The following PAX8 variants were observed in gnomAD, a reference collection of about 807,000 sequenced individuals.
PAX8 encodes paired box 8, also known as paired box protein Pax-8.
PAX8 carries 15 observed loss-of-function variants against 52.4 expected under a neutral mutation model. The observed-to-expected ratio is 0.29, with a 90% CI of 0.19 to 0.44. The LOEUF is 0.44. Ranked by LOEUF, PAX8 falls within the 20% of genes least tolerant of loss-of-function variation. The pLI is 1.00. For missense variants in PAX8, 554 were observed against 602.5 expected, an observed-to-expected ratio of 0.92 and a Z score of 0.84; for synonymous variants, 284 against 249.7, an observed-to-expected ratio of 1.14 and a Z score of -1.29.
chr2:113,220,506 G>A (rs774805726), intron 10 of PAX8: 5 of 243,346 alleles, frequency 2.1e-5, no homozygotes, highest in East Asian at 9.5e-5. Context: ...TGGGATCTGC[G>A]GAAGCTCCCA....
In PAX8 at chr2:113,232,912, C is replaced by T. The variant is rs567822407; in HGVS notation, c.1087+2482G>A. On this transcript the variant is annotated intron_variant, in intron 9 of 11. Coordinates refer to ENST00000429538, the MANE Select transcript of PAX8 (RefSeq NM_003466.4). ...CCCATCATCATGGGCACCACCACAC[C>T]CTCACCCCTTGCCTGCCCCATGACC... is the stretch of plus-strand genomic sequence containing the variant. Among the ~76,000 whole-genome samples the T allele has an allele frequency of 1.5e-4, 23 of 152,178 alleles. 1 individual carries two copies. Among genetic ancestry groups the T allele is most frequent in the African/African-American group, 5.5e-4 (23 of 41,518 alleles).
chr2:113,226,311 TC>T (rs1325215329), intron 10 of PAX8: 3 of 985,406 alleles, frequency 3.0e-6, no homozygotes, highest in Non-Finnish European at 3.6e-6. Flanking sequence ...CAGAGCTCTT[TC>T]CAGAAACTCC....
intron 2 of PAX8, 81 bp from the exon 3 acceptor site, chr2:113,247,000 GGT>G (rs150122920): frequency 5.8e-3 from 6,978 of 1,204,162 alleles, no homozygotes; most frequent in Non-Finnish European, 6.8e-3. Context: ...TACAGGTGCT[GGT>G]GTGTGTGTGT....
At position 113,256,195 on chromosome 2, in the gene PAX8, G is replaced by A. The variant is rs74737370; in HGVS notation, c.26-9276C>T. On this transcript the variant is annotated intron_variant, in intron 2 of 11. Transcript: ENST00000429538. ...TTAATATGGGGAATTGTTGTCTGGTGTTGGAGGGCTGTAAGAGCACAAAGG... is the reference window on the plus strand; with the variant it reads ...TTAATATGGGGAATTGTTGTCTGGTATTGGAGGGCTGTAAGAGCACAAAGG... Among the ~76,000 whole-genome samples, 1,514 of 152,318 alleles carry A rather than the reference G, an allele frequency of 9.9e-3. 27 individuals carry two copies. Among genetic ancestry groups the A allele is most frequent in the African/African-American group, 0.034 (1,418 of 41,562 alleles).
At chr2:113,274,016 C>G (rs1465310713) in intron 2 of PAX8, 1 of 152,092 alleles carries the variant, frequency 6.6e-6, no homozygotes, top group Non-Finnish European at 1.5e-5. Flanking sequence ...TTCTCTCATT[C>G]CAGACGTGCG....
Position 113,244,633 on chromosome 2 carries a change from A to G in PAX8, c.192-9T>C. The G allele has an allele frequency of 6.2e-7, 1 of 1,613,450 alleles. No individual in the cohort carries two copies. Among genetic ancestry groups the G allele is most frequent in the Non-Finnish European group, 8.5e-7 (1 of 1,179,442 alleles). On this transcript the variant is annotated splice_polypyrimidine_tract_variant and intron_variant, in intron 3 of 11. Transcript: ENST00000429538. ...TGCCAGTCTCGTAGTACCTACTCCA[A>G]TAGAGAATCCCAAAGAATTACCCAA... is the stretch of plus-strand genomic sequence containing the variant.
intron 3 of PAX8, among the ~76,000 whole-genome samples, chr2:113,245,759 C>T (rs1691268494): frequency 6.6e-6 from 1 of 152,230 alleles, no homozygotes; most frequent in South Asian, 2.1e-4. Flanking sequence ...TTACTTCCAT[C>T]CAGGACTCAT....
intron 5 of PAX8, 140 bp downstream of exon 5, chr2:113,242,550 C>G: frequency 1.3e-6 from 1 of 752,684 alleles, no homozygotes; most frequent in South Asian, 1.4e-5. Context: ...ACAACTCAGT[C>G]TACACATGGG....
chr2:113,252,521 A>G (rs761838769), intron 2 of PAX8, among the ~76,000 whole-genome samples: 57 of 152,338 alleles, frequency 3.7e-4, no homozygotes, highest in Admixed American at 1.2e-3. Flanking sequence ...GCCAGCACAC[A>G]TGAGGTTATG....
At chr2:113,223,331 A>C (rs575662076) in intron 10 of PAX8, among the ~76,000 whole-genome samples, 1 of 152,302 alleles carries the variant, frequency 6.6e-6, no homozygotes, top group African/African-American at 2.4e-5. Flanking sequence ...CTGGCTTTGC[A>C]ACCAAAATAT....
intron 7 of PAX8, chr2:113,236,986 G>A: frequency 2.0e-6 from 1 of 508,876 alleles, no homozygotes; most frequent in Non-Finnish European, 3.5e-6. Flanking sequence ...ACCACACCCT[G>A]GTTGGATGGC....
intron 4 of PAX8, among the ~76,000 whole-genome samples, chr2:113,243,402 T>C (rs577678496): frequency 3.1e-4 from 47 of 152,262 alleles, no homozygotes; most frequent in African/African-American, 9.9e-4. Context: ...TCTTTCTTTT[T>C]TTTTTTGAGA....
At position 113,216,557 on chromosome 2, in the gene PAX8, G is replaced by C. The variant is rs1326461548; in HGVS notation, c.*1976C>G. The C allele has an allele frequency of 8.7e-6, 2 of 230,088 alleles. No individual in the cohort carries two copies. Among genetic ancestry groups the C allele is most frequent in the Non-Finnish European group, 1.7e-5 (2 of 116,104 alleles). The allele number at this position is 230,088 out of a possible 1,614,324, so 14.3% of individuals were successfully genotyped here. Reference sequence around the variant, plus strand: ...TGTGGACACCAGACAGCCCCCTGGAGTGCAGAGCCCGAGCTGTCACATTGC... The same window carrying C: ...TGTGGACACCAGACAGCCCCCTGGACTGCAGAGCCCGAGCTGTCACATTGC... On this transcript the variant is annotated 3_prime_UTR_variant, in exon 12 of 12. Transcript: ENST00000429538.
intron 6 of PAX8, 141 bp from the exon 7 acceptor site, chr2:113,241,867 A>G (rs773010627): frequency 2.0e-5 from 28 of 1,427,674 alleles, no homozygotes; most frequent in East Asian, 9.3e-5. Context: ...GCCTTGGCCA[A>G]CTGAGGGACA....
intron 9 of PAX8, among the ~76,000 whole-genome samples, chr2:113,232,100 T>C (rs1456605748): frequency 6.6e-6 from 1 of 152,190 alleles, no homozygotes; most frequent in African/African-American, 2.4e-5. Context: ...AACCATTCCC[T>C]TCCTAACCTT....
At chr2:113,245,214 T>G (rs1404044264) in intron 3 of PAX8, among the ~76,000 whole-genome samples, 3 of 152,012 alleles carry the variant, frequency 2.0e-5, no homozygotes, top group Non-Finnish European at 4.4e-5. Flanking sequence ...ACCCGGCTAA[T>G]TTTTGCATTT....
chr2:113,273,930 A>G lies in PAX8; in HGVS notation c.25+4440T>C, dbSNP rs571842585. The stretch of plus-strand genomic sequence containing the variant: ...GGGAGAAACATCAATAAAAGCAGGC[A>G]AGATTTTACAATAAATGGTTGAAAA... On this transcript the variant is annotated intron_variant, in intron 2 of 11. Transcript: ENST00000429538. 6 of 152,336 alleles carry G rather than the reference A, an allele frequency of 3.9e-5. No homozygotes were observed. The East Asian group carries it at 1.2e-3, about 29-fold the overall frequency. The allele number at this position is 152,336 out of a possible 1,614,324, so 9.4% of individuals were successfully genotyped here.
intron 2 of PAX8, among the ~76,000 whole-genome samples, chr2:113,260,681 A>T (rs1413789948): frequency 6.6e-6 from 1 of 152,170 alleles, no homozygotes; most frequent in East Asian, 1.9e-4. Flanking sequence ...ATGAAGTCAC[A>T]TAAAGATGCC....
At chr2:113,277,943 A>C (rs1693941748) in intron 2 of PAX8, among the ~76,000 whole-genome samples, 1 of 151,438 alleles carries the variant, frequency 6.6e-6, no homozygotes, top group African/African-American at 2.4e-5. Flanking sequence ...CAGCCAGGGG[A>C]GTCACTGGGA....
Sources: allele counts gnomAD v4.1 joint callset (sites outside exome capture counted in the v4.1 genomes callset), GRCh38; gene constraint gnomAD v4.1.1; transcripts MANE v1.5; gene names NCBI Gene and HGNC (gene_info 2026-07-23, HGNC 2026-07-21).